Variants in ULK4 observed in about 807,000 individuals in gnomAD.
ULK4 encodes inactive serine/threonine-protein kinase ULK4.
Under a neutral mutation model 160.6 loss-of-function variants are expected in ULK4, and 133 were observed. The ratio of observed to expected loss-of-function variants is 0.83; its 90% CI spans 0.72 to 0.96. The LOEUF (loss-of-function observed/expected upper bound fraction) is 0.96, where lower values mean the gene tolerates loss of function less well. Among genes scored for constraint, ULK4 ranks in the 40% least tolerant of loss-of-function variants. The probability of loss-of-function intolerance (pLI) is 0.00; values close to 1 mark genes in which losing one functional copy is unlikely to be tolerated. For missense variants in ULK4, 1,580 were observed against 1,499.5 expected (o/e 1.05, Z -0.89); for synonymous variants, 534 against 539.8 (o/e 0.99, Z 0.15).
At chr3:41,511,661 C>T (rs1281340785) in intron 32 of ULK4, among the ~76,000 whole-genome samples, 3 of 151,296 alleles carry the variant, frequency 2.0e-5, no homozygotes, top group African/African-American at 4.9e-5. Context: ...TTGCCAACAA[C>T]AAAAAAAAGT....
intron 30 of ULK4, among the ~76,000 whole-genome samples, chr3:41,643,950 A>T (rs1347225298): frequency 1.3e-5 from 2 of 151,994 alleles, no homozygotes; most frequent in African/African-American, 4.8e-5. Context: ...TTCTCTTTGA[A>T]GCAATTGTGA....
intron 31 of ULK4, among the ~76,000 whole-genome samples, chr3:41,597,971 A>C (rs1006873053): frequency 6.6e-6 from 1 of 152,182 alleles, no homozygotes; most frequent in African/African-American, 2.4e-5. Context: ...ACCAAAAATA[A>C]CTTTCTGAAA....
rs1322862165 is a variant in ULK4, at chr3:41,336,732, G to C, written c.3678+61347C>G. 2.0e-5 allele frequency among the ~76,000 whole-genome samples: 3 copies of C among 152,280 alleles called. No homozygotes were observed. In the East Asian group the frequency reaches 5.8e-4, roughly 29 times the overall value. ...AGCATTTCCACAAAGCCTGGGATTGGATGGTACCTGGAAGGACTGGGTCTC... is the reference window on the plus strand; with the variant it reads ...AGCATTTCCACAAAGCCTGGGATTGCATGGTACCTGGAAGGACTGGGTCTC... On this transcript the variant is annotated intron_variant, in intron 35 of 36. Coordinates refer to ENST00000301831, the MANE Select transcript of ULK4 (RefSeq NM_017886.4).
intron 17 of ULK4, among the ~76,000 whole-genome samples, chr3:41,843,003 C>G (rs1575812422): frequency 6.6e-6 from 1 of 152,332 alleles, no homozygotes; most frequent in South Asian, 2.1e-4. Flanking sequence ...TGACCTAAGT[C>G]TGGTACTTGA....
chr3:41,330,364 C>T lies in ULK4; in HGVS notation c.3678+67715G>A, dbSNP rs553505902. On this transcript the variant is annotated intron_variant, in intron 35 of 36. Coordinates refer to ENST00000301831, the MANE Select transcript of ULK4 (RefSeq NM_017886.4). ...TCTGGACATTTTCCAAGGCTGGCCA[C>T]TACTCACATCCCATCCCAATTCCTC... Among the ~76,000 whole-genome samples, 39 of 152,312 alleles carry T rather than the reference C, an allele frequency of 2.6e-4. 1 individual carries two copies. Among genetic ancestry groups the T allele is most frequent in the African/African-American group, 8.7e-4 (36 of 41,564 alleles).
intron 32 of ULK4, among the ~76,000 whole-genome samples, chr3:41,464,753 AG>A (rs376237506): frequency 1.1e-3 from 162 of 152,308 alleles, no homozygotes; most frequent in African/African-American, 3.7e-3. Context: ...CAAAGGTAAA[AG>A]GGGTAAGTAC....
At chr3:41,703,854 AC>A in intron 27 of ULK4, among the ~76,000 whole-genome samples, 1 of 150,986 alleles carries the variant, frequency 6.6e-6, no homozygotes, top group Non-Finnish European at 1.5e-5. Context: ...ACACACACAC[AC>A]ACACACACAC....
At chr3:41,449,787 T>C (rs529640662) in intron 34 of ULK4, among the ~76,000 whole-genome samples, 2 of 151,710 alleles carry the variant, frequency 1.3e-5, no homozygotes, top group South Asian at 2.1e-4. Context: ...TATTTTTATG[T>C]TAATTTACTT....
At chr3:41,686,200 T>C (rs139831217) in intron 27 of ULK4, among the ~76,000 whole-genome samples, 395 of 152,190 alleles carry the variant, frequency 2.6e-3, no homozygotes, top group African/African-American at 9.1e-3. Context: ...ACACAGTATG[T>C]AGATAAAGGG....
intron 32 of ULK4, among the ~76,000 whole-genome samples, chr3:41,536,583 G>A (rs1290523759): frequency 1.3e-5 from 2 of 152,132 alleles, no homozygotes; most frequent in Admixed American, 6.5e-5. Context: ...CACGTATTAT[G>A]TATTATTAAC....
chr3:41,726,755 T>C (rs1422936451), intron 22 of ULK4, among the ~76,000 whole-genome samples: 1 of 152,304 alleles, frequency 6.6e-6, no homozygotes, highest in South Asian at 2.1e-4. Context: ...TGATTACAAG[T>C]ATGCGCCACC....
intron 32 of ULK4, among the ~76,000 whole-genome samples, chr3:41,547,343 A>G (rs1362170017): frequency 6.6e-6 from 1 of 152,184 alleles, no homozygotes; most frequent in Non-Finnish European, 1.5e-5. Context: ...CATCTAAGAG[A>G]GAGCACTAGA....
intron 22 of ULK4, among the ~76,000 whole-genome samples, chr3:41,749,045 G>A (rs1054181664): frequency 2.6e-5 from 4 of 152,160 alleles, no homozygotes; most frequent in Admixed American, 1.3e-4. Context: ...TTCAACTTGC[G>A]ATTTTATGAT....
rs142156296 is a variant in ULK4, at chr3:41,337,765, A to T, written c.3678+60314T>A. The stretch of plus-strand genomic sequence containing the variant: ...CCTCAACCACAGACAGAAAATCCAA[A>T]TTTGATTCCTCTCCCACTGCATGGG... On this transcript the variant is annotated intron_variant, in intron 35 of 36. Transcript: ENST00000301831. Among the ~76,000 whole-genome samples, 1,368 of 152,226 alleles carry T rather than the reference A, an allele frequency of 9.0e-3. 16 individuals carry two copies. Among genetic ancestry groups the T allele is most frequent in the African/African-American group, 0.027 (1,128 of 41,548 alleles).
chr3:41,889,914 T>C (rs7609786), intron 16 of ULK4, among the ~76,000 whole-genome samples: 6,956 of 152,282 alleles, frequency 0.046, 499 homozygotes, highest in African/African-American at 0.16. Context: ...ACAAGGATTA[T>C]TCAGCTATAA....
At chr3:41,554,632 C>T (rs1265329274) in intron 32 of ULK4, among the ~76,000 whole-genome samples, 1 of 151,886 alleles carries the variant, frequency 6.6e-6, no homozygotes, top group Non-Finnish European at 1.5e-5. Flanking sequence ...GGAATAAGTT[C>T]GGTGGTTGAT....
intron 20 of ULK4, among the ~76,000 whole-genome samples, chr3:41,793,604 C>A (rs889832492): frequency 1.3e-5 from 2 of 152,110 alleles, no homozygotes; most frequent in Non-Finnish European, 2.9e-5. Flanking sequence ...TCCCCTCCAA[C>A]CCTAGTGAGA....
At chr3:41,553,727 G>A (rs1339796563) in intron 32 of ULK4, among the ~76,000 whole-genome samples, 3 of 151,814 alleles carry the variant, frequency 2.0e-5, no homozygotes, top group Non-Finnish European at 2.9e-5. Context: ...TTATTTATGG[G>A]GTACATAAGA....
intron 32 of ULK4, among the ~76,000 whole-genome samples, chr3:41,467,279 G>A (rs530718347): frequency 2.7e-4 from 41 of 152,282 alleles, no homozygotes; most frequent in African/African-American, 9.9e-4. Context: ...TGTAATTCCA[G>A]CACTTTGGGA....
Sources: allele counts gnomAD v4.1 joint callset (sites outside exome capture counted in the v4.1 genomes callset), GRCh38; gene constraint gnomAD v4.1.1; transcripts MANE v1.5; gene names NCBI Gene and HGNC (gene_info 2026-07-23, HGNC 2026-07-21).